MMAA: variants seen among roughly 807,000 people sequenced by gnomAD.
MMAA encodes methylmalonic aciduria type A protein, mitochondrial.
MMAA carries 41 observed loss-of-function variants against 45.0 expected under a neutral mutation model. That is an observed-to-expected ratio of 0.91 (90% CI 0.71 to 1.18). The LOEUF is 1.18. Among genes scored for constraint, MMAA ranks in the 50% most tolerant of loss-of-function variants. MMAA has a pLI of 0.00. For synonymous variants in MMAA, 154 were observed against 178.2 expected, an observed-to-expected ratio of 0.86 and a Z score of 1.08; for missense variants, 460 against 495.7, an observed-to-expected ratio of 0.93 and a Z score of 0.68.
intron 4 of MMAA, chr4:145,646,359 C>T: frequency 1.7e-6 from 1 of 589,414 alleles, no homozygotes; most frequent in South Asian, 2.0e-5. Flanking sequence ...TAAAAATAAG[C>T]CATCTATCTG....
intron 1 of MMAA, among the ~76,000 whole-genome samples, chr4:145,621,562 T>C (rs1445207013): frequency 6.6e-6 from 1 of 152,172 alleles, no homozygotes; most frequent in Non-Finnish European, 1.5e-5. Flanking sequence ...TGAAATTATT[T>C]GAAAAAGAGA....
In MMAA at chr4:145,620,896, G is replaced by C. The variant is rs1734076125; in HGVS notation, c.-66+1489G>C. Among the ~76,000 whole-genome samples the C allele has an allele frequency of 2.0e-5, 3 of 152,226 alleles. No individual in the cohort carries two copies. In the South Asian group the frequency reaches 6.2e-4, roughly 32 times the overall value. On this transcript the variant is annotated intron_variant, in intron 1 of 6. Coordinates refer to ENST00000649156, the MANE Select transcript of MMAA (RefSeq NM_172250.3). The stretch of plus-strand genomic sequence containing the variant: ...AGTAAACTCTCCTTAGAGGAATTTT[G>C]GAAAGGCAAGCGCAAGAGGTGCTGC...
At chr4:145,651,285 G>A in intron 5 of MMAA, 138 bp downstream of exon 5, 1 of 749,932 alleles carries the variant, frequency 1.3e-6, no homozygotes. Context: ...TAAAATACCT[G>A]AATCAAAGGC....
rs927782113 is a variant in MMAA, at chr4:145,659,172, T to A, written c.*3738T>A. 4.6e-5 allele frequency: 7 copies of A among 152,348 alleles called. No homozygotes were observed. Among genetic ancestry groups the A allele is most frequent in the Non-Finnish European group, 8.8e-5 (6 of 68,028 alleles). 9.4% of individuals were successfully genotyped at this position (152,348 alleles called of 1,614,324 possible). A position where few individuals can be genotyped will look rare whatever the true frequency, so the allele number is the denominator to read the frequency against. The stretch of plus-strand genomic sequence containing the variant: ...TCCGTAGTATTTTAATTAAAATTTT[T>A]AAAATTTTAAAATTTACTAAATTTA... On this transcript the variant is annotated 3_prime_UTR_variant, in exon 7 of 7. Transcript: ENST00000649156.
Position 145,659,577 on chromosome 4 carries a change from A to G in MMAA, c.*4143A>G, listed in dbSNP as rs752017263. 6.6e-6 allele frequency: 1 copy of G among 152,204 alleles called. No homozygotes were observed. Among genetic ancestry groups the G allele is most frequent in the African/African-American group, 2.4e-5 (1 of 41,454 alleles). The allele number at this position is 152,204 out of a possible 1,614,324, so 9.4% of individuals were successfully genotyped here. A position where few individuals can be genotyped will look rare whatever the true frequency, so the allele number is the denominator to read the frequency against. ...TATGCTTTTAACTAACACAGAAGAA[A>G]TCATGTGACCTCATTCTCAAAGCTC... On this transcript the variant is annotated 3_prime_UTR_variant, in exon 7 of 7. Coordinates refer to ENST00000649156, the MANE Select transcript of MMAA (RefSeq NM_172250.3).
Position 145,639,097 on chromosome 4 carries a change from C to T in MMAA, c.-43C>T. 6.3e-7 allele frequency: 1 copy of T among 1,593,482 alleles called. No homozygotes were observed. Among genetic ancestry groups the T allele is most frequent in the Non-Finnish European group, 8.6e-7 (1 of 1,161,226 alleles). ...TAGGGAGGTCACAATCACATTGAGC[C>T]AAAACGCATCCAGTGTTTTCTCCAG... On this transcript the variant is annotated 5_prime_UTR_variant, in exon 2 of 7. Transcript: ENST00000649156.
intron 3 of MMAA, among the ~76,000 whole-genome samples, 153 bp from the exon 4 acceptor site, chr4:145,645,833 C>G (rs958769046): frequency 2.0e-5 from 3 of 152,116 alleles, no homozygotes; most frequent in African/African-American, 4.8e-5. Flanking sequence ...AATCTGACAT[C>G]ATTGTATACA....
chr4:145,656,644 G>T lies in MMAA; in HGVS notation c.*1210G>T, dbSNP rs190416172. ...AAGAACCCTTTCTAGTTAATTCTTT[G>T]AATATGTTTTATACTTATTTGATGG... On this transcript the variant is annotated 3_prime_UTR_variant, in exon 7 of 7. Coordinates refer to ENST00000649156, the MANE Select transcript of MMAA (RefSeq NM_172250.3). 7 of 152,070 alleles carry T rather than the reference G, an allele frequency of 4.6e-5. No homozygotes were observed. The highest frequency in any genetic ancestry group is 4.6e-4 in the Admixed American group (7 of 15,274). The allele number at this position is 152,070 out of a possible 1,614,324, so 9.4% of individuals were successfully genotyped here.
chr4:145,628,764 C>G (rs147906753), intron 1 of MMAA, among the ~76,000 whole-genome samples: 1 of 152,114 alleles, frequency 6.6e-6, no homozygotes, highest in South Asian at 2.1e-4. Context: ...ATCATAGTAA[C>G]ATATGCTGTT....
intron 1 of MMAA, among the ~76,000 whole-genome samples, chr4:145,637,288 A>G (rs1305316519): frequency 6.6e-6 from 1 of 151,640 alleles, no homozygotes; most frequent in Non-Finnish European, 1.5e-5. Context: ...TCCAAAGTAG[A>G]CTCCCTCTTA....
chr4:145,622,256 A>G (rs1199305503), intron 1 of MMAA, among the ~76,000 whole-genome samples: 1 of 152,152 alleles, frequency 6.6e-6, no homozygotes, highest in Admixed American at 6.5e-5. Context: ...GAGTTTCCCT[A>G]CACAAGCTCT....
chr4:145,653,937 T>C, intron 5 of MMAA, 57 bp from the exon 6 acceptor site: 1 of 1,564,962 alleles, frequency 6.4e-7, no homozygotes, highest in East Asian at 2.2e-5. Context: ...AATCTGAGCA[T>C]TGACTAGTTT....
chr4:145,620,812 G>C (rs931740803), intron 1 of MMAA, among the ~76,000 whole-genome samples: 1 of 151,824 alleles, frequency 6.6e-6, no homozygotes, highest in Non-Finnish European at 1.5e-5. Flanking sequence ...CATAGAGGGG[G>C]AAGGATGTAA....
intron 2 of MMAA, among the ~76,000 whole-genome samples, chr4:145,642,014 C>G (rs1428978812): frequency 6.6e-6 from 1 of 152,116 alleles, no homozygotes; most frequent in Non-Finnish European, 1.5e-5. Context: ...AATTACTGAT[C>G]ATGATGAGAG....
chr4:145,642,727 A>G (rs1399554768), intron 3 of MMAA: 1 of 494,468 alleles, frequency 2.0e-6, no homozygotes, highest in African/African-American at 1.9e-5. Context: ...AACAGGTGCC[A>G]GAAGTTGAAG....
In MMAA at chr4:145,659,923, G is replaced by T. The variant is rs1728338839; in HGVS notation, c.*4489G>T. 6.6e-6 allele frequency: 1 copy of T among 151,982 alleles called. No individual in the cohort carries two copies. The highest frequency in any genetic ancestry group is 2.4e-5 in the African/African-American group (1 of 41,360). 9.4% of individuals were successfully genotyped at this position (151,982 alleles called of 1,614,324 possible). A position where few individuals can be genotyped will look rare whatever the true frequency, so the allele number is the denominator to read the frequency against. On this transcript the variant is annotated 3_prime_UTR_variant, in exon 7 of 7. Coordinates refer to ENST00000649156, the MANE Select transcript of MMAA (RefSeq NM_172250.3). Reference sequence around the variant, plus strand: ...CACCTGAACTTATTCCTCCTATCTAGTTGTAACTTTGTACCCATTGACCCC... The same window carrying T: ...CACCTGAACTTATTCCTCCTATCTATTTGTAACTTTGTACCCATTGACCCC...
At chr4:145,641,072 T>G (rs1335752913) in intron 2 of MMAA, among the ~76,000 whole-genome samples, 1 of 152,222 alleles carries the variant, frequency 6.6e-6, no homozygotes, top group African/African-American at 2.4e-5. Context: ...CAACCAATAT[T>G]TATACCAGTC....
At position 145,657,402 on chromosome 4, in the gene MMAA, A is replaced by G. The variant is rs1728263614; in HGVS notation, c.*1968A>G. 6.6e-6 allele frequency: 1 copy of G among 151,850 alleles called. No homozygotes were observed. Among genetic ancestry groups the G allele is most frequent in the South Asian group, 2.1e-4 (1 of 4,808 alleles). The allele number at this position is 151,850 out of a possible 1,614,324, so 9.4% of individuals were successfully genotyped here. ...CTTTTTTTTTCAACTCAGAAATCCT[A>G]TTCCCTCTCCCCATCTGTGATTATA... On this transcript the variant is annotated 3_prime_UTR_variant, in exon 7 of 7. Transcript: ENST00000649156.
chr4:145,649,617 T>C (rs1452392085), intron 4 of MMAA, among the ~76,000 whole-genome samples: 1 of 152,200 alleles, frequency 6.6e-6, no homozygotes, highest in Non-Finnish European at 1.5e-5. Flanking sequence ...ATTCATCATA[T>C]CTCGCTGAAA....
Sources: allele counts gnomAD v4.1 joint callset (sites outside exome capture counted in the v4.1 genomes callset), GRCh38; gene constraint gnomAD v4.1.1; transcripts MANE v1.5; gene names NCBI Gene and HGNC (gene_info 2026-07-23, HGNC 2026-07-21).